LRP1B: variants seen among roughly 807,000 people sequenced by gnomAD.
LRP1B encodes LDL receptor related protein 1B.
Under a neutral mutation model 556.6 loss-of-function variants are expected in LRP1B, and 217 were observed. The observed-to-expected ratio is 0.39, with a 90% CI of 0.35 to 0.44. LRP1B has a LOEUF of 0.44. LRP1B is among the 20% of genes least tolerant of loss of function. LRP1B has a pLI of 1.00. For missense variants in LRP1B, 5,053 were observed against 5,620.8 expected (o/e 0.90, Z 3.23); for synonymous variants, 2,047 against 1,865.8 (o/e 1.10, Z -2.50).
chr2:140,787,282 A>AT (rs1309360631), intron 32 of LRP1B, among the ~76,000 whole-genome samples: 1 of 152,090 alleles, frequency 6.6e-6, no homozygotes, highest in Non-Finnish European at 1.5e-5. Flanking sequence ...TCTCTGTGCC[A>AT]TTTTGTGCTG....
chr2:140,755,438 C>A (rs1688712628), intron 35 of LRP1B, among the ~76,000 whole-genome samples: 1 of 151,834 alleles, frequency 6.6e-6, no homozygotes, highest in Non-Finnish European at 1.5e-5. Flanking sequence ...GAACTGAATC[C>A]AGCAAAATAT....
chr2:141,601,626 CCTTCCTT>C (rs1687743521), intron 2 of LRP1B, among the ~76,000 whole-genome samples: 1 of 150,740 alleles, frequency 6.6e-6, no homozygotes, highest in Admixed American at 6.6e-5. Flanking sequence ...TTCCTTCCTT[CCTTCCTT>C]CCTTCCTTCC....
chr2:140,349,667 A>G (rs965653073), intron 77 of LRP1B, among the ~76,000 whole-genome samples: 1 of 152,100 alleles, frequency 6.6e-6, no homozygotes, highest in African/African-American at 2.4e-5. Context: ...AGGTAAGTCC[A>G]CAGTATATAC....
At chr2:141,360,290 C>A (rs965929149) in intron 3 of LRP1B, among the ~76,000 whole-genome samples, 1 of 152,118 alleles carries the variant, frequency 6.6e-6, no homozygotes, top group Non-Finnish European at 1.5e-5. Flanking sequence ...GACAAATATC[C>A]AAGTCAGGAC....
At chr2:140,989,187 C>A (rs985881481) in intron 17 of LRP1B, among the ~76,000 whole-genome samples, 2 of 151,740 alleles carry the variant, frequency 1.3e-5, no homozygotes, top group Non-Finnish European at 1.5e-5. Flanking sequence ...AAAAAAAAAT[C>A]CTCCTTGTGA....
At chr2:140,760,686 A>C (rs1330779723) in intron 35 of LRP1B, among the ~76,000 whole-genome samples, 1 of 152,146 alleles carries the variant, frequency 6.6e-6, no homozygotes, top group African/African-American at 2.4e-5. Flanking sequence ...GGAGTTCAAG[A>C]CCAGCCTTGC....
At chr2:140,736,371 C>T (rs947353597) in intron 35 of LRP1B, among the ~76,000 whole-genome samples, 2 of 151,974 alleles carry the variant, frequency 1.3e-5, no homozygotes, top group Non-Finnish European at 2.9e-5. Context: ...CAATAATATC[C>T]ATTGTTTTAT....
chr2:140,340,972 A>C (rs1013091971), intron 77 of LRP1B, among the ~76,000 whole-genome samples: 5 of 151,650 alleles, frequency 3.3e-5, no homozygotes, highest in African/African-American at 1.2e-4. Flanking sequence ...TTATGTATCT[A>C]TCAGAAAGAG....
intron 1 of LRP1B, among the ~76,000 whole-genome samples, chr2:141,823,932 C>T (rs1696840769): frequency 6.6e-6 from 1 of 152,106 alleles, no homozygotes; most frequent in Non-Finnish European, 1.5e-5. Flanking sequence ...CCTTGGCCTT[C>T]CAAAATGCTG....
intron 1 of LRP1B, among the ~76,000 whole-genome samples, chr2:141,973,302 T>A (rs933110435): frequency 6.6e-6 from 1 of 151,786 alleles, no homozygotes; most frequent in Non-Finnish European, 1.5e-5. Flanking sequence ...AATTTTAGCC[T>A]CTAGAAACTT....
At chr2:141,631,070 T>A (rs972020047) in intron 2 of LRP1B, among the ~76,000 whole-genome samples, 3 of 152,124 alleles carry the variant, frequency 2.0e-5, no homozygotes, top group Non-Finnish European at 4.4e-5. Flanking sequence ...GACTCACAGT[T>A]CTCCAAGGCT....
At chr2:140,560,902 T>C (rs1002137935) in intron 43 of LRP1B, among the ~76,000 whole-genome samples, 7 of 152,158 alleles carry the variant, frequency 4.6e-5, no homozygotes, top group African/African-American at 1.7e-4. Flanking sequence ...GGAACAACTA[T>C]ATATATACAT....
At chr2:141,140,237 A>G (rs1293086300) in intron 7 of LRP1B, among the ~76,000 whole-genome samples, 1 of 152,154 alleles carries the variant, frequency 6.6e-6, no homozygotes, top group Non-Finnish European at 1.5e-5. Flanking sequence ...GTACAGGATC[A>G]TTATTTTGAT....
intron 27 of LRP1B, among the ~76,000 whole-genome samples, chr2:140,856,567 A>G (rs1357070737): frequency 6.6e-6 from 1 of 152,092 alleles, no homozygotes; most frequent in Non-Finnish European, 1.5e-5. Flanking sequence ...TAATTATTCA[A>G]CTCTGCTACT....
At chr2:141,406,963 T>A (rs1559053137) in intron 3 of LRP1B, among the ~76,000 whole-genome samples, 1 of 152,144 alleles carries the variant, frequency 6.6e-6, no homozygotes, top group Non-Finnish European at 1.5e-5. Context: ...CATGACTAGA[T>A]AAAGCATTTT....
chr2:141,860,829 T>C (rs922451185), intron 1 of LRP1B, among the ~76,000 whole-genome samples: 7 of 152,188 alleles, frequency 4.6e-5, no homozygotes, highest in African/African-American at 1.7e-4. Flanking sequence ...ACACTTCATC[T>C]TCACAGCAAC....
intron 32 of LRP1B, among the ~76,000 whole-genome samples, chr2:140,778,233 A>G (rs1689566898): frequency 6.6e-6 from 1 of 152,166 alleles, no homozygotes; most frequent in Non-Finnish European, 1.5e-5. Context: ...TTTTCATAGA[A>G]CATCATTTTA....
chr2:141,479,467 GAT>G (rs921182633), intron 3 of LRP1B, among the ~76,000 whole-genome samples: 1 of 152,144 alleles, frequency 6.6e-6, no homozygotes, highest in African/African-American at 2.4e-5. Context: ...CCAGAAACCA[GAT>G]ATGTTATCTC....
At chr2:141,446,821 CT>C (rs1681210388) in intron 3 of LRP1B, among the ~76,000 whole-genome samples, 1 of 152,094 alleles carries the variant, frequency 6.6e-6, no homozygotes, top group South Asian at 2.1e-4. Context: ...GTAACGCAAC[CT>C]TTCTCACTGG....
Sources: allele counts gnomAD v4.1 joint callset (sites outside exome capture counted in the v4.1 genomes callset), GRCh38; gene constraint gnomAD v4.1.1; transcripts MANE v1.5; gene names NCBI Gene and HGNC (gene_info 2026-07-23, HGNC 2026-07-21).